ZNF609: variants seen among roughly 807,000 people sequenced by gnomAD.
ZNF609 encodes zinc finger protein 609.
Under a neutral mutation model 109.5 loss-of-function variants are expected in ZNF609, and 11 were observed. That is an observed-to-expected ratio of 0.10 (90% CI 0.06 to 0.17). The LOEUF is 0.17. Among genes scored for constraint, ZNF609 ranks in the 10% least tolerant of loss-of-function variants. The probability of loss-of-function intolerance (pLI) is 1.00; values close to 1 mark genes in which losing one functional copy is unlikely to be tolerated. For synonymous variants in ZNF609, 646 were observed against 662.0 expected (o/e 0.98, Z 0.37); for missense variants, 1,559 against 1,772.4 (o/e 0.88, Z 2.16).
intron 3 of ZNF609, among the ~76,000 whole-genome samples, chr15:64,624,760 A>AGT (rs1895925607): frequency 1.1e-5 from 1 of 89,660 alleles, no homozygotes; most frequent in Admixed American, 1.9e-4. Flanking sequence ...TGTTACGTAC[A>AGT]CTTTTTTTTT....
intron 2 of ZNF609, among the ~76,000 whole-genome samples, chr15:64,519,110 G>A (rs910316517): frequency 2.2e-5 from 3 of 136,182 alleles, no homozygotes; most frequent in Non-Finnish European, 3.2e-5. Context: ...ATTCTTGGCG[G>A]GTGCAGGGCG....
At chr15:64,500,984 G>A (rs942163229) in intron 2 of ZNF609, 8 of 153,760 alleles carry the variant, frequency 5.2e-5, no homozygotes, top group African/African-American at 1.9e-4. Flanking sequence ...GATGATCTTA[G>A]TTCATGCTTT....
chr15:64,580,477 A>G (rs1229681137), intron 2 of ZNF609, among the ~76,000 whole-genome samples: 1 of 152,040 alleles, frequency 6.6e-6, no homozygotes, highest in East Asian at 1.9e-4. Flanking sequence ...CATTTCACTT[A>G]AAGATTCCCT....
chr15:64,474,287 C>A (rs1172353488), intron 1 of ZNF609, among the ~76,000 whole-genome samples: 1 of 151,082 alleles, frequency 6.6e-6, no homozygotes, highest in African/African-American at 2.4e-5. Context: ...AATCTCGGCT[C>A]ACTGCAACCT....
chr15:64,497,637 C>T (rs927385788), intron 1 of ZNF609, among the ~76,000 whole-genome samples: 7 of 152,112 alleles, frequency 4.6e-5, no homozygotes, highest in African/African-American at 1.7e-4. Context: ...CACGGTGGCT[C>T]ATACCTGTAA....
intron 1 of ZNF609, among the ~76,000 whole-genome samples, chr15:64,476,696 A>G (rs1355656666): frequency 6.6e-6 from 1 of 152,190 alleles, no homozygotes; most frequent in Non-Finnish European, 1.5e-5. Flanking sequence ...AATTGCAGTC[A>G]GTCTTGTCTG....
At position 64,676,020 on chromosome 15, in the gene ZNF609, C is replaced by G; in HGVS notation, c.3166C>G (p.Leu1056Val). The G allele has an allele frequency of 6.2e-7, 1 of 1,614,254 alleles. No homozygotes were observed. Among genetic ancestry groups the G allele is most frequent in the Non-Finnish European group, 8.5e-7 (1 of 1,180,048 alleles). ...ACCAACTCTCACCAAGGCCCCCAGC[C>G]TGACAGACCTGGTGAAATCAGGACC... ...IPPTLTKAPSLTDLVKSGPGK... is the reference protein window; with the variant it reads ...IPPTLTKAPSVTDLVKSGPGK... Residue 1056 changes from leucine to valine, a missense_variant, in exon 5 of 10, where the codon CTG (leucine) becomes GTG (valine). Coordinates refer to ENST00000326648, the MANE Select transcript of ZNF609 (RefSeq NM_015042.2).
Position 64,675,024 on chromosome 15 carries a change from G to C in ZNF609, c.2170G>C (p.Ala724Pro). Reference sequence around the variant, plus strand: ...CACAGTCAACCCTGCCTTGACTCCAGCCAAGGACAAGAAAAAGAAAGACAA... The same window carrying C: ...CACAGTCAACCCTGCCTTGACTCCACCCAAGGACAAGAAAAAGAAAGACAA... ...PFTVNPALTP[A>P]KDKKKKDKKK... Residue 724 changes from alanine (A) to proline (P), a missense_variant, in exon 5 of 10, where the codon GCC becomes CCC. Physicochemically the swap from Ala to Pro is conservative, Grantham distance 27. Coordinates refer to ENST00000326648, the MANE Select transcript of ZNF609 (RefSeq NM_015042.2). 1.2e-6 allele frequency: 2 copies of C among 1,613,992 alleles called. No individual in the cohort carries two copies. Among genetic ancestry groups the C allele is most frequent in the Non-Finnish European group, 1.7e-6 (2 of 1,180,048 alleles).
At chr15:64,656,843 A>G (rs1035037947) in intron 3 of ZNF609, among the ~76,000 whole-genome samples, 11 of 151,290 alleles carry the variant, frequency 7.3e-5, no homozygotes, top group Admixed American at 5.3e-4. Context: ...TTTTGAATAT[A>G]TCCATTCTCC....
At chr15:64,671,919 T>A (rs1567044048) in intron 4 of ZNF609, among the ~76,000 whole-genome samples, 1 of 152,122 alleles carries the variant, frequency 6.6e-6, no homozygotes, top group East Asian at 1.9e-4. Context: ...ACCACTTTCT[T>A]ATTCTCAGAT....
intron 2 of ZNF609, chr15:64,529,301 G>A (rs1894019502): frequency 2.8e-6 from 2 of 716,792 alleles, no homozygotes; most frequent in Non-Finnish European, 5.2e-6. Context: ...CAACAGAGAG[G>A]ACAGAGATGT....
rs34007985 is a variant in ZNF609, at chr15:64,641,219, C to CT, written c.973+18182dup. Among the ~76,000 whole-genome samples, 13 of 69,736 alleles carry CT rather than the reference C, an allele frequency of 1.9e-4. 1 individual carries two copies. The highest frequency in any genetic ancestry group is 7.4e-4 in the South Asian group (2 of 2,694). 45.7% of individuals were successfully genotyped at this position (69,736 alleles called of 152,430 possible). A position where few individuals can be genotyped will look rare whatever the true frequency, so the allele number is the denominator to read the frequency against. ...TGGGTGTTAGTTACACTTGTGCTTTCTTTTTTTTTTTTTTTGAGATGGAGT... is the reference window on the plus strand; with the variant it reads ...TGGGTGTTAGTTACACTTGTGCTTTCTTTTTTTTTTTTTTTTGAGATGGAGT... On this transcript the variant is annotated intron_variant, in intron 3 of 9. Transcript: ENST00000326648.
chr15:64,499,692 A>C lies in ZNF609; in HGVS notation c.273A>C (p.Lys91Asn). 3 of 1,614,058 alleles carry C rather than the reference A, an allele frequency of 1.9e-6. No individual in the cohort carries two copies. The highest frequency in any genetic ancestry group is 2.5e-6 in the Non-Finnish European group (3 of 1,180,014). ...GGAAGGAAGGCAAATCAAAATCCAA[A>C]AGGAGTAAGAGTGGCAAAGACACTA... ...PQGKEGKSKS[K>N]RSKSGKDTSK... is the part of the protein sequence containing the mutation. The change falls in exon 2 of 10, where the codon AAA (lysine) becomes AAC (asparagine). Residue 91 changes from lysine to asparagine, a missense_variant. Lys to Asn is a moderately conservative substitution (Grantham distance 94). This residue lies in a region of ZNF609 where 291 missense variants were observed against 317.8 expected (regional missense o/e 0.92). Transcript: ENST00000326648.
chr15:64,500,709 T>G, intron 2 of ZNF609: 1 of 417,974 alleles, frequency 2.4e-6, no homozygotes, highest in South Asian at 3.1e-5. Flanking sequence ...AGGGGCACAT[T>G]TTGAGGGCAA....
chr15:64,553,055 A>C (rs1443685041), intron 2 of ZNF609, among the ~76,000 whole-genome samples: 1 of 152,186 alleles, frequency 6.6e-6, no homozygotes, highest in Non-Finnish European at 1.5e-5. Flanking sequence ...CTTTATGAAA[A>C]ATCAGTTGAC....
At chr15:64,472,229 A>T (rs1364940825) in intron 1 of ZNF609, among the ~76,000 whole-genome samples, 1 of 152,200 alleles carries the variant, frequency 6.6e-6, no homozygotes, top group Non-Finnish European at 1.5e-5. Flanking sequence ...TAGTTTTTAT[A>T]GATGGTTTAA....
chr15:64,469,050 A>AAAC (rs1566991779), intron 1 of ZNF609, among the ~76,000 whole-genome samples: 1 of 135,214 alleles, frequency 7.4e-6, no homozygotes, highest in Non-Finnish European at 1.7e-5. Flanking sequence ...AAAAAAAAAA[A>AAAC]AAAAAACAAC....
At chr15:64,608,813 A>C (rs1270975750) in intron 2 of ZNF609, among the ~76,000 whole-genome samples, 2 of 151,810 alleles carry the variant, frequency 1.3e-5, no homozygotes, top group Admixed American at 6.6e-5. Context: ...ATCATGGCTT[A>C]CTGCAGCCTC....
At chr15:64,563,674 G>T (rs1894724909) in intron 2 of ZNF609, among the ~76,000 whole-genome samples, 2 of 151,982 alleles carry the variant, frequency 1.3e-5, no homozygotes, top group Admixed American at 6.6e-5. Context: ...TACTCAGGAG[G>T]CTGAGGCAGG....
Sources: gnomAD v4.1 joint callset for allele counts (sites outside exome capture counted in the v4.1 genomes callset) on GRCh38, gnomAD v4.1.1 for gene constraint, gnomAD v4.1.1 regional missense constraint, MANE v1.5 for transcripts, NCBI Gene and HGNC (gene_info 2026-07-23, HGNC 2026-07-21) for gene names.